Variants in LANCL2 observed in about 807,000 individuals in gnomAD.
The protein encoded by LANCL2 is lanC-like protein 2.
In LANCL2, 33 loss-of-function variants were observed where a neutral mutation model predicts 56.9. The ratio of observed to expected loss-of-function variants is 0.58; its 90% CI spans 0.44 to 0.78. The LOEUF (loss-of-function observed/expected upper bound fraction) is 0.78. Among genes scored for constraint, LANCL2 ranks in the 30% least tolerant of loss-of-function variants. The pLI is 0.00. For synonymous variants in LANCL2, 233 were observed against 228.2 expected (o/e 1.02, Z -0.19); for missense variants, 562 against 580.2 (o/e 0.97, Z 0.32).
rs1212469000 is a variant in LANCL2, at chr7:55,398,737, A to G, written c.530+107A>G. The G allele has an allele frequency of 7.2e-6, 6 of 835,708 alleles. No individual in the cohort carries two copies. The Admixed American group carries it at 1.2e-4, about 17-fold the overall frequency. The allele number at this position is 835,708 out of a possible 1,614,324, so 51.8% of individuals were successfully genotyped here. ...TTTTTCCATTCATCCATTGTTGTAA[A>G]CAGATCACTCCAAAATGTTAATCTT... On this transcript the variant is annotated intron_variant, in intron 3 of 8. Transcript: ENST00000254770.
intron 6 of LANCL2, among the ~76,000 whole-genome samples, chr7:55,424,914 G>A (rs559456375): frequency 2.9e-4 from 44 of 152,332 alleles, no homozygotes; most frequent in Non-Finnish European, 1.0e-4. Context: ...TCTAGGTTGC[G>A]CGCTCCTTAT....
chr7:55,375,491 T>C (rs1789990728), intron 1 of LANCL2, among the ~76,000 whole-genome samples: 1 of 152,226 alleles, frequency 6.6e-6, no homozygotes, highest in Non-Finnish European at 1.5e-5. Flanking sequence ...GTGAGAGGCT[T>C]CTTCCTCCAG....
chr7:55,403,430 G>A (rs905179145), intron 5 of LANCL2, among the ~76,000 whole-genome samples: 21 of 152,224 alleles, frequency 1.4e-4, no homozygotes, highest in African/African-American at 2.6e-4. Context: ...GGGGGAGACC[G>A]TGGAAAGAGA....
intron 6 of LANCL2, among the ~76,000 whole-genome samples, chr7:55,420,489 G>A (rs968109268): frequency 9.2e-5 from 14 of 152,188 alleles, no homozygotes; most frequent in Non-Finnish European, 1.8e-4. Context: ...CTGTCTTGAC[G>A]AATGTCCCAC....
Position 55,401,218 on chromosome 7 carries a change from A to C in LANCL2, c.723A>C (p.Glu241Asp), listed in dbSNP as rs200782197. The change falls in exon 5 of 9, where the codon GAA becomes GAC. Residue 241 changes from glutamate to aspartate, a missense_variant. This residue lies in a region of LANCL2 where 378 missense variants were observed against 468.4 expected (regional missense o/e 0.81). Coordinates refer to ENST00000254770, the MANE Select transcript of LANCL2 (RefSeq NM_018697.4). ...IIESGKTLSR[E>D]ERKTERCPLL... is the part of the protein sequence containing the mutation. ...AATCGGGTAAGACTTTGTCAAGGGA[A>C]GAAAGAAAAACGGAGCGCTGCCCGC... The C allele has an allele frequency of 6.6e-5, 107 of 1,614,060 alleles. No individual in the cohort carries two copies. The highest frequency in any genetic ancestry group is 8.4e-5 in the Non-Finnish European group (99 of 1,180,014).
chr7:55,402,525 C>T (rs568494770), intron 5 of LANCL2, among the ~76,000 whole-genome samples: 8 of 145,156 alleles, frequency 5.5e-5, no homozygotes, highest in African/African-American at 2.1e-4. Flanking sequence ...CCCCACCTCC[C>T]GGATGGGGCG....
chr7:55,414,652 T>C (rs1790506390), intron 6 of LANCL2, among the ~76,000 whole-genome samples: 1 of 152,092 alleles, frequency 6.6e-6, no homozygotes, highest in Non-Finnish European at 1.5e-5. Flanking sequence ...TACTTGTTAA[T>C]TTAAAGTTAT....
intron 1 of LANCL2, among the ~76,000 whole-genome samples, chr7:55,383,586 T>G (rs1790092547): frequency 6.6e-6 from 1 of 152,202 alleles, no homozygotes; most frequent in Admixed American, 6.5e-5. Flanking sequence ...CTTCAAGCCG[T>G]TTTTCTGCTA....
Position 55,400,111 on chromosome 7 carries a change from T to C in LANCL2, c.678+7T>C. ...TGAGTCAGCTATTAAAGAGGTACTATGGGGTATGGGTAACTATGGGCGTCT... is the reference window on the plus strand; with the variant it reads ...TGAGTCAGCTATTAAAGAGGTACTACGGGGTATGGGTAACTATGGGCGTCT... On this transcript the variant is annotated splice_region_variant and intron_variant, in intron 4 of 8. Transcript: ENST00000254770. 1 of 1,583,412 alleles carries C rather than the reference T, an allele frequency of 6.3e-7. No individual in the cohort carries two copies.
chr7:55,431,048 A>G (rs1339510423), intron 8 of LANCL2, among the ~76,000 whole-genome samples, 178 bp from the exon 9 acceptor site: 1 of 152,192 alleles, frequency 6.6e-6, no homozygotes. Context: ...TGGTGTTATT[A>G]TATTACCTGC....
rs758828282 is a variant in LANCL2, at chr7:55,401,316, T to G, written c.821T>G (p.Met274Arg). ...HGMAGIYYML[M>R]QPAAKVDQET... The stretch of plus-strand genomic sequence containing the variant: ...ATGGCTGGAATTTACTATATGTTAA[T>G]GCAGGTAGGTAAGAATACTCTTACA... Residue 274 changes from methionine to arginine, a missense_variant, in exon 5 of 9, where the codon ATG becomes AGG. Met to Arg is a moderately conservative substitution (Grantham distance 91, BLOSUM62 -1). This residue lies in a region of LANCL2 where 378 missense variants were observed against 468.4 expected (regional missense o/e 0.81). Transcript: ENST00000254770. The G allele has an allele frequency of 2.2e-5, 35 of 1,613,602 alleles. No individual in the cohort carries two copies. Among genetic ancestry groups the G allele is most frequent in the Admixed American group, 6.7e-5 (4 of 60,020 alleles).
chr7:55,366,849 C>T (rs1363708586), intron 1 of LANCL2, among the ~76,000 whole-genome samples: 1 of 152,166 alleles, frequency 6.6e-6, no homozygotes, highest in African/African-American at 2.4e-5. Context: ...AACCCAAATA[C>T]TTTTGTGCTA....
chr7:55,382,743 T>C (rs915663223), intron 1 of LANCL2, among the ~76,000 whole-genome samples: 2 of 152,168 alleles, frequency 1.3e-5, no homozygotes, highest in Non-Finnish European at 2.9e-5. Context: ...TCTGAAAATA[T>C]ATCTCAAGCA....
Position 55,398,519 on chromosome 7 carries a change from T to G in LANCL2, c.419T>G (p.Leu140Arg). 6.2e-7 allele frequency: 1 copy of G among 1,614,182 alleles called. No individual in the cohort carries two copies. Among genetic ancestry groups the G allele is most frequent in the South Asian group, 1.1e-5 (1 of 91,074 alleles). The change falls in exon 3 of 9, where the codon CTG becomes CGG. Residue 140 changes from leucine (L) to arginine (R), a missense_variant. By Grantham distance (102) the Leu-to-Arg change is moderately radical (BLOSUM62 -2). Coordinates refer to ENST00000254770, the MANE Select transcript of LANCL2 (RefSeq NM_018697.4). The part of the protein sequence containing the change: ...LDYVKRTLRN[L>R]NGRRVTFLCG... ...TACGTAAAAAGAACACTTCGGAATC[T>G]GAATGGCCGCAGGGTCACCTTCCTC...
intron 1 of LANCL2, among the ~76,000 whole-genome samples, chr7:55,380,507 A>G (rs1254861731): frequency 6.6e-6 from 1 of 152,214 alleles, no homozygotes; most frequent in Non-Finnish European, 1.5e-5. Context: ...GTATAAAACA[A>G]CTATAAAACT....
intron 1 of LANCL2, among the ~76,000 whole-genome samples, chr7:55,373,200 A>G (rs1226814611): frequency 6.8e-6 from 1 of 146,692 alleles, no homozygotes; most frequent in East Asian, 1.9e-4. Context: ...TCTTTTTCCC[A>G]CTTAACTTTA....
rs573694897 is a variant in LANCL2, at chr7:55,425,327, G to A, written c.1082G>A (p.Arg361Gln). The change falls in exon 7 of 9, where the codon CGG becomes CAG. Residue 361 changes from arginine (R) to glutamine (Q), a missense_variant. Physicochemically the swap from Arg to Gln is conservative, Grantham distance 43. Transcript: ENST00000254770. ...SDVIWQRGLL[R>Q]KGYGICHGTA... The stretch of plus-strand genomic sequence containing the variant: ...GTGATTTGGCAGCGAGGTTTGCTGC[G>A]GAAGGGCTACGGGATATGCCATGGG... 3.2e-5 allele frequency: 51 copies of A among 1,614,130 alleles called. No individual in the cohort carries two copies. Among genetic ancestry groups the A allele is most frequent in the Middle Eastern group, 3.3e-4 (2 of 6,062 alleles).
At chr7:55,373,915 A>C (rs1391132699) in intron 1 of LANCL2, among the ~76,000 whole-genome samples, 1 of 152,202 alleles carries the variant, frequency 6.6e-6, no homozygotes, top group Non-Finnish European at 1.5e-5. Context: ...TTTTGAGCAA[A>C]TTTTGCTTGA....
Position 55,401,160 on chromosome 7 carries a change from TG to T in LANCL2, c.679-13del. 2 of 1,612,812 alleles carry T rather than the reference TG, an allele frequency of 1.2e-6. No individual in the cohort carries two copies. Among genetic ancestry groups the T allele is most frequent in the Non-Finnish European group, 1.7e-6 (2 of 1,178,862 alleles). The stretch of plus-strand genomic sequence containing the variant: ...ATACAGTTTTAGATTTATGCTGTCT[TG>T]TTATCTCTGTAGGTAGTCAATGCTA... On this transcript the variant is annotated splice_polypyrimidine_tract_variant and intron_variant, in intron 4 of 8. Coordinates refer to ENST00000254770, the MANE Select transcript of LANCL2 (RefSeq NM_018697.4).
Sources: gnomAD v4.1 joint callset for allele counts (sites outside exome capture counted in the v4.1 genomes callset) on GRCh38, gnomAD v4.1.1 for gene constraint, gnomAD v4.1.1 regional missense constraint, MANE v1.5 for transcripts, NCBI Gene and HGNC (gene_info 2026-07-23, HGNC 2026-07-21) for gene names.